Variants in FNDC3B observed in about 807,000 individuals in gnomAD.
FNDC3B encodes the protein fibronectin type III domain-containing protein 3B.
FNDC3B carries 12 observed loss-of-function variants against 151.5 expected under a neutral mutation model. The observed-to-expected ratio is 0.08, with a 90% CI of 0.05 to 0.13. The LOEUF (loss-of-function observed/expected upper bound fraction) is 0.13. Ranked by LOEUF, FNDC3B falls within the 10% of genes least tolerant of loss-of-function variation. The pLI is 1.00. For synonymous variants in FNDC3B, 528 were observed against 549.0 expected (o/e 0.96, Z 0.54); for missense variants, 1,214 against 1,505.3 (o/e 0.81, Z 3.20).
intron 15 of FNDC3B, chr3:172,335,458 T>G (rs1191261357): frequency 1.3e-5 from 2 of 154,978 alleles, no homozygotes; most frequent in African/African-American, 4.8e-5. Flanking sequence ...CTTAAAAAAT[T>G]AGCAATACTT....
intron 4 of FNDC3B, among the ~76,000 whole-genome samples, chr3:172,235,369 A>T (rs370601179): frequency 6.6e-6 from 1 of 152,198 alleles, no homozygotes; most frequent in African/African-American, 2.4e-5. Flanking sequence ...AATAATAAAG[A>T]TGTAATTTCT....
At chr3:172,359,220 C>G (rs1387074929) in intron 22 of FNDC3B, among the ~76,000 whole-genome samples, 1 of 151,890 alleles carries the variant, frequency 6.6e-6, no homozygotes, top group Non-Finnish European at 1.5e-5. Flanking sequence ...CTTGTATCTT[C>G]TAAACTATTT....
chr3:172,098,233 G>T (rs1719187750), intron 1 of FNDC3B, among the ~76,000 whole-genome samples: 1 of 152,096 alleles, frequency 6.6e-6, no homozygotes, highest in Non-Finnish European at 1.5e-5. Context: ...GGAGGAAAAA[G>T]CCAAACCCTG....
At chr3:172,103,046 A>T (rs1312642445) in intron 1 of FNDC3B, among the ~76,000 whole-genome samples, 3 of 152,188 alleles carry the variant, frequency 2.0e-5, no homozygotes, top group African/African-American at 2.4e-5. Context: ...TGTGAGATGT[A>T]TTGTGATATG....
At chr3:172,211,669 C>T (rs1725739425) in intron 3 of FNDC3B, among the ~76,000 whole-genome samples, 1 of 152,282 alleles carries the variant, frequency 6.6e-6, no homozygotes, top group African/African-American at 2.4e-5. Flanking sequence ...ATTGAGGTTA[C>T]ATTTTGTTTG....
intron 23 of FNDC3B, among the ~76,000 whole-genome samples, chr3:172,369,520 T>C (rs1378911796): frequency 1.3e-5 from 2 of 152,076 alleles, no homozygotes; most frequent in Non-Finnish European, 1.5e-5. Context: ...CCACCATCAA[T>C]AGGTATAGTG....
chr3:172,133,771 T>C (rs971468242), intron 3 of FNDC3B: 16 of 538,142 alleles, frequency 3.0e-5, no homozygotes, highest in Middle Eastern at 5.1e-4. Context: ...TGGTTAGTTA[T>C]TGCTAAGTAA....
At chr3:172,141,972 A>C (rs951730352) in intron 3 of FNDC3B, among the ~76,000 whole-genome samples, 2 of 152,222 alleles carry the variant, frequency 1.3e-5, no homozygotes, top group African/African-American at 4.8e-5. Flanking sequence ...TTTTGGAGTG[A>C]GATTGCCTGG....
chr3:172,165,826 C>G (rs1722975026), intron 3 of FNDC3B, among the ~76,000 whole-genome samples: 1 of 152,180 alleles, frequency 6.6e-6, no homozygotes, highest in African/African-American at 2.4e-5. Context: ...CGAATGTTCA[C>G]TCTCTTGAAT....
intron 6 of FNDC3B, among the ~76,000 whole-genome samples, chr3:172,285,239 C>A (rs1306875911): frequency 6.6e-6 from 1 of 152,180 alleles, no homozygotes; most frequent in African/African-American, 2.4e-5. Flanking sequence ...CTCAACTAGT[C>A]CTGTCTCACT....
chr3:172,366,652 A>T (rs1226389492), intron 23 of FNDC3B, among the ~76,000 whole-genome samples: 5 of 152,246 alleles, frequency 3.3e-5, no homozygotes, highest in African/African-American at 9.6e-5. Flanking sequence ...GATGCTTTAA[A>T]GCAAATTATG....
chr3:172,335,575 G>T (rs1732921800), intron 15 of FNDC3B: 1 of 152,020 alleles, frequency 6.6e-6, no homozygotes, highest in South Asian at 2.1e-4. Flanking sequence ...AATGAATTAG[G>T]GATAGTTTTG....
chr3:172,352,333 T>G lies in FNDC3B; in HGVS notation c.2515-470T>G, dbSNP rs1373160673. ...TTCATGTGGAAGATAGAAGATGCCT[T>G]TTCCTATTGCTATTCCAGGACAGCT... is the stretch of plus-strand genomic sequence containing the variant. On this transcript the variant is annotated intron_variant, in intron 21 of 25. Coordinates refer to ENST00000415807, the MANE Select transcript of FNDC3B (RefSeq NM_022763.4). This position sits in a 1 kb window ranked among gnomAD's most constrained non-coding sequence, Gnocchi z 4.2. Among the ~76,000 whole-genome samples the G allele has an allele frequency of 6.6e-6, 1 of 152,148 alleles. No individual in the cohort carries two copies. Among genetic ancestry groups the G allele is most frequent in the Non-Finnish European group, 1.5e-5 (1 of 68,026 alleles).
At chr3:172,201,313 C>G (rs1725140483) in intron 3 of FNDC3B, among the ~76,000 whole-genome samples, 1 of 152,160 alleles carries the variant, frequency 6.6e-6, no homozygotes, top group Non-Finnish European at 1.5e-5. Context: ...TGGCTGCTCT[C>G]CAGACCCTGG....
chr3:172,129,791 T>C (rs974263150), intron 2 of FNDC3B, among the ~76,000 whole-genome samples: 42 of 150,150 alleles, frequency 2.8e-4, no homozygotes, highest in African/African-American at 9.9e-4. Context: ...AAAAAAAATA[T>C]CTAGTTAAAA....
chr3:172,377,596 C>T (rs892142880), intron 23 of FNDC3B, among the ~76,000 whole-genome samples: 10 of 152,060 alleles, frequency 6.6e-5, no homozygotes, highest in Non-Finnish European at 4.4e-5. Flanking sequence ...GTCCTGGATC[C>T]GATGGGGGAA....
At chr3:172,265,309 C>T (rs1728867499) in intron 6 of FNDC3B, among the ~76,000 whole-genome samples, 1 of 152,080 alleles carries the variant, frequency 6.6e-6, no homozygotes. Context: ...TTTTTACTTT[C>T]AGTGTCAAAA....
intron 22 of FNDC3B, among the ~76,000 whole-genome samples, chr3:172,358,819 C>T (rs372642062): frequency 1.3e-5 from 2 of 152,170 alleles, no homozygotes; most frequent in Non-Finnish European, 2.9e-5. Flanking sequence ...AGAAAAAAGT[C>T]ACTGTCCCCA....
Position 172,378,462 on chromosome 3 carries a change from G to A in FNDC3B, c.3175+26G>A, listed in dbSNP as rs369876278. On this transcript the variant is annotated intron_variant, in intron 24 of 25. Coordinates refer to ENST00000415807, the MANE Select transcript of FNDC3B (RefSeq NM_022763.4). ...GTGTGTAGACTATGTATTCTTTCTCGCTCTCTTGTGAGAGTAAGGAACTGT... is the reference window on the plus strand; with the variant it reads ...GTGTGTAGACTATGTATTCTTTCTCACTCTCTTGTGAGAGTAAGGAACTGT... 73 of 1,557,408 alleles carry A rather than the reference G, an allele frequency of 4.7e-5. 1 individual carries two copies. The African/African-American group carries it at 7.4e-4, about 16-fold the overall frequency.
Sources: allele counts gnomAD v4.1 joint callset (sites outside exome capture counted in the v4.1 genomes callset), GRCh38; gene constraint gnomAD v4.1.1; non-coding constraint Gnocchi (gnomAD v3.1); transcripts MANE v1.5; gene names NCBI Gene and HGNC (gene_info 2026-07-23, HGNC 2026-07-21).